Variants in ZNF804A observed in about 807,000 individuals in gnomAD.
The protein encoded by ZNF804A is zinc finger protein 804A.
In ZNF804A, 2 loss-of-function variants were observed where a neutral mutation model predicts 16.5. The observed-to-expected ratio is 0.12, with a 90% CI of 0.05 to 0.38. The LOEUF is 0.38. Among genes scored for constraint, ZNF804A ranks in the 10% least tolerant of loss-of-function variants. The pLI, the probability that ZNF804A is intolerant of heterozygous loss-of-function variation, is 0.99. For synonymous variants in ZNF804A, 534 were observed against 489.6 expected (o/e 1.09, Z -1.20); for missense variants, 1,473 against 1,390.7 (o/e 1.06, Z -0.94).
At chr2:184,729,134 C>A (rs1246574145) in intron 1 of ZNF804A, among the ~76,000 whole-genome samples, 1 of 151,642 alleles carries the variant, frequency 6.6e-6, no homozygotes, top group African/African-American at 2.4e-5. Flanking sequence ...ACAGTGAGAA[C>A]AATATATTGT....
intron 1 of ZNF804A, among the ~76,000 whole-genome samples, chr2:184,809,301 G>A (rs1031059944): frequency 1.3e-5 from 2 of 151,506 alleles, no homozygotes; most frequent in Non-Finnish European, 3.0e-5. Context: ...ACACATAAGT[G>A]GAAGGGACTC....
At chr2:184,741,691 A>G (rs1419700492) in intron 1 of ZNF804A, among the ~76,000 whole-genome samples, 1 of 152,166 alleles carries the variant, frequency 6.6e-6, no homozygotes, top group African/African-American at 2.4e-5. Flanking sequence ...GAAGTTCTAA[A>G]TGCTATTATT....
At chr2:184,712,612 G>A (rs1351210151) in intron 1 of ZNF804A, among the ~76,000 whole-genome samples, 1 of 151,656 alleles carries the variant, frequency 6.6e-6, no homozygotes, top group African/African-American at 2.4e-5. Flanking sequence ...CTTTAAATAA[G>A]CTTTTGATTC....
chr2:184,903,309 C>G (rs1384307096), intron 2 of ZNF804A, among the ~76,000 whole-genome samples: 1 of 151,946 alleles, frequency 6.6e-6, no homozygotes, highest in Non-Finnish European at 1.5e-5. Flanking sequence ...TAGCAATGAC[C>G]CCATAAGGTT....
At chr2:184,648,885 GA>G (rs1377346988) in intron 1 of ZNF804A, among the ~76,000 whole-genome samples, 1 of 152,078 alleles carries the variant, frequency 6.6e-6, no homozygotes, top group East Asian at 1.9e-4. Context: ...TATTGAGGCA[GA>G]AAATTAACAA....
chr2:184,750,102 T>C (rs543660223), intron 1 of ZNF804A, among the ~76,000 whole-genome samples: 1 of 151,430 alleles, frequency 6.6e-6, no homozygotes, highest in Non-Finnish European at 1.5e-5. Context: ...TTCTTTGTAC[T>C]AATTTTTTAT....
intron 1 of ZNF804A, among the ~76,000 whole-genome samples, chr2:184,774,467 T>C (rs546452691): frequency 2.1e-4 from 32 of 151,952 alleles, no homozygotes; most frequent in Admixed American, 7.9e-4. Context: ...AAAAAAATCT[T>C]GTCTGGGAAA....
At chr2:184,932,928 A>G (rs1380251391) in intron 2 of ZNF804A, among the ~76,000 whole-genome samples, 1 of 152,164 alleles carries the variant, frequency 6.6e-6, no homozygotes, top group Non-Finnish European at 1.5e-5. Context: ...GAAAAACAAT[A>G]CCAATTTTCT....
chr2:184,859,897 CA>C (rs1465021769), intron 1 of ZNF804A, among the ~76,000 whole-genome samples: 1 of 152,198 alleles, frequency 6.6e-6, no homozygotes, highest in African/African-American at 2.4e-5. Flanking sequence ...CCTGTGTCCA[CA>C]GGGGCTGCCT....
chr2:184,626,400 T>G (rs959740009), intron 1 of ZNF804A, among the ~76,000 whole-genome samples: 1 of 152,176 alleles, frequency 6.6e-6, no homozygotes, highest in Non-Finnish European at 1.5e-5. Flanking sequence ...CTTTTGGAAT[T>G]TTTGAAACTA....
intron 2 of ZNF804A, among the ~76,000 whole-genome samples, chr2:184,903,542 A>G (rs1215639252): frequency 1.3e-5 from 2 of 152,116 alleles, no homozygotes; most frequent in Admixed American, 1.3e-4. Flanking sequence ...CAGTGACAAA[A>G]TCACCTAACA....
At chr2:184,625,851 G>A (rs866765240) in intron 1 of ZNF804A, among the ~76,000 whole-genome samples, 3 of 151,848 alleles carry the variant, frequency 2.0e-5, no homozygotes, top group Non-Finnish European at 2.9e-5. Context: ...CTAACTTTGA[G>A]GATTTCTTTT....
At chr2:184,690,191 G>GAAA (rs11447687) in intron 1 of ZNF804A, among the ~76,000 whole-genome samples, 1 of 137,794 alleles carries the variant, frequency 7.3e-6, no homozygotes, top group African/African-American at 2.6e-5. Flanking sequence ...AAAGTCTCAG[G>GAAA]AAAAAAAAAA....
chr2:184,890,305 CA>C (rs1684960712), intron 2 of ZNF804A, among the ~76,000 whole-genome samples: 1 of 152,118 alleles, frequency 6.6e-6, no homozygotes, highest in Admixed American at 6.5e-5. Context: ...TGTTAACCCC[CA>C]ACTTTATTTT....
intron 1 of ZNF804A, among the ~76,000 whole-genome samples, chr2:184,615,028 AT>A (rs1295774552): frequency 1.3e-5 from 2 of 152,228 alleles, no homozygotes; most frequent in Non-Finnish European, 2.9e-5. Flanking sequence ...CAGCAGTCCC[AT>A]TATTGGATAT....
chr2:184,843,566 A>G (rs1380311047), intron 1 of ZNF804A, among the ~76,000 whole-genome samples: 1 of 151,952 alleles, frequency 6.6e-6, no homozygotes, highest in Non-Finnish European at 1.5e-5. Flanking sequence ...GAGCCACCAC[A>G]CTTGGCCCTG....
At chr2:184,710,274 A>G (rs772133077) in intron 1 of ZNF804A, among the ~76,000 whole-genome samples, 15 of 151,526 alleles carry the variant, frequency 9.9e-5, no homozygotes, top group African/African-American at 1.5e-4. Flanking sequence ...ATCACCCTCA[A>G]ATATACCTTG....
chr2:184,619,525 T>A (rs2105678503), intron 1 of ZNF804A, among the ~76,000 whole-genome samples: 1 of 152,124 alleles, frequency 6.6e-6, no homozygotes, highest in Admixed American at 6.6e-5. Flanking sequence ...ATTAATGATA[T>A]CCTTCAAATG....
intron 1 of ZNF804A, among the ~76,000 whole-genome samples, chr2:184,727,437 TC>T (rs1223941758): frequency 6.6e-6 from 1 of 151,602 alleles, no homozygotes; most frequent in Non-Finnish European, 1.5e-5. Flanking sequence ...TGAAATGGAC[TC>T]CTACTTCAAG....
Sources: allele counts gnomAD v4.1 joint callset (sites outside exome capture counted in the v4.1 genomes callset), GRCh38; gene constraint gnomAD v4.1.1; transcripts MANE v1.5; gene names NCBI Gene and HGNC (gene_info 2026-07-23, HGNC 2026-07-21).